Variants in IKZF3 observed in about 807,000 individuals in gnomAD.
The protein encoded by IKZF3 is zinc finger protein Aiolos.
A neutral mutation model predicts 49.0 loss-of-function variants in IKZF3; 10 were observed. The observed-to-expected ratio is 0.20, with a 90% CI of 0.13 to 0.35. IKZF3 has a LOEUF of 0.35. IKZF3 is among the 10% of genes least tolerant of loss of function. The probability of loss-of-function intolerance (pLI) is 1.00; values close to 1 mark genes in which losing one functional copy is unlikely to be tolerated. For synonymous variants in IKZF3, 209 were observed against 228.2 expected (o/e 0.92, Z 0.76); for missense variants, 498 against 664.8 (o/e 0.75, Z 2.76).
chr17:39,829,353 G>A (rs2062042492), intron 3 of IKZF3, 34 bp downstream of exon 3: 1 of 1,414,214 alleles, frequency 7.1e-7, no homozygotes, highest in Non-Finnish European at 1.0e-6. Context: ...AATATCTACA[G>A]GCATCAGTGT....
chr17:39,835,717 C>T lies in IKZF3; in HGVS notation c.8-3566G>A, dbSNP rs1011856556. ...TGGGACTGGAGCTCCCAGATCTCCT[C>T]TTCATACAGCTGCCTGAGGAAGCTG... is the stretch of plus-strand genomic sequence containing the variant. On this transcript the variant is annotated intron_variant, in intron 1 of 7. Transcript: ENST00000346872. 2.6e-5 allele frequency: 13 copies of T among 500,602 alleles called. No homozygotes were observed. In the Admixed American group the frequency reaches 2.8e-4, roughly 11 times the overall value. 31.0% of individuals were successfully genotyped at this position (500,602 alleles called of 1,614,324 possible).
chr17:39,863,846 T>G (rs2063285812), intron 1 of IKZF3, among the ~76,000 whole-genome samples: 1 of 152,162 alleles, frequency 6.6e-6, no homozygotes, highest in African/African-American at 2.4e-5. Context: ...CCTTAAGTGC[T>G]CTTCCTCTGC....
At chr17:39,856,379 C>T (rs1456544191) in intron 1 of IKZF3, among the ~76,000 whole-genome samples, 1 of 152,008 alleles carries the variant, frequency 6.6e-6, no homozygotes, top group Non-Finnish European at 1.5e-5. Flanking sequence ...ACCTCGGCCT[C>T]GCAGGTTCAA....
chr17:39,815,383 A>T (rs112412105), intron 3 of IKZF3, among the ~76,000 whole-genome samples: 1 of 152,228 alleles, frequency 6.6e-6, no homozygotes, highest in Non-Finnish European at 1.5e-5. Context: ...ACATTCCACC[A>T]TCTCGAGTCT....
intron 1 of IKZF3, among the ~76,000 whole-genome samples, chr17:39,859,064 C>A (rs1431221062): frequency 6.6e-6 from 1 of 151,882 alleles, no homozygotes; most frequent in Non-Finnish European, 1.5e-5. Flanking sequence ...CCACCTTGGC[C>A]TCCCAAAGTG....
At chr17:39,801,086 T>C (rs2061304895) in intron 3 of IKZF3, among the ~76,000 whole-genome samples, 1 of 152,112 alleles carries the variant, frequency 6.6e-6, no homozygotes, top group Non-Finnish European at 1.5e-5. Context: ...TTGGAAGTAA[T>C]ATCCTCAGGT....
intron 1 of IKZF3, among the ~76,000 whole-genome samples, chr17:39,863,238 A>C (rs1295938950): frequency 6.6e-6 from 1 of 152,220 alleles, no homozygotes; most frequent in Non-Finnish European, 1.5e-5. Context: ...ATATTTTAAC[A>C]ACTTTATATA....
chr17:39,849,654 G>A (rs1381939306), intron 1 of IKZF3, among the ~76,000 whole-genome samples: 2 of 150,500 alleles, frequency 1.3e-5, no homozygotes, highest in Non-Finnish European at 3.0e-5. Flanking sequence ...TCCGTCTCAG[G>A]AAAAAAAACA....
chr17:39,805,431 T>C lies in IKZF3; in HGVS notation c.164-12498A>G, dbSNP rs2061412729. Among the ~76,000 whole-genome samples, 3 of 152,202 alleles carry C rather than the reference T, an allele frequency of 2.0e-5. No homozygotes were observed. The South Asian group carries it at 6.2e-4, about 31-fold the overall frequency. On this transcript the variant is annotated intron_variant, in intron 3 of 7. Coordinates refer to ENST00000346872, the MANE Select transcript of IKZF3 (RefSeq NM_012481.5). ...ATCAGACCCAAAGCGTATAAAGGAT[T>C]CTTGGATGAGAAGGAAATGAGTATA...
In IKZF3 at chr17:39,832,107, C is replaced by T. The variant is rs1357831209; in HGVS notation, c.52G>A (p.Val18Met). 3.1e-6 allele frequency: 5 copies of T among 1,612,186 alleles called. No homozygotes were observed. In the East Asian group the frequency reaches 8.9e-5, roughly 29 times the overall value. ...AAAGACCTGATGTTACCTGCGGGCA[C>T]AGACTGCTCCTGAGTGCTTTTCAGT... is the stretch of plus-strand genomic sequence containing the variant. ...AELKSTQEQS[V>M]PAESAAVLND... Residue 18 changes from valine (V) to methionine (M), a missense_variant, in exon 2 of 8, where the codon GTG (valine) becomes ATG (methionine). Val to Met is a conservative substitution (Grantham distance 21). Transcript: ENST00000346872.
intron 3 of IKZF3, among the ~76,000 whole-genome samples, chr17:39,826,721 G>A (rs1282676009): frequency 6.6e-6 from 1 of 152,214 alleles, no homozygotes; most frequent in African/African-American, 2.4e-5. Flanking sequence ...AGGTATCACA[G>A]TGTGCGTGTT....
intron 1 of IKZF3, among the ~76,000 whole-genome samples, chr17:39,860,235 C>A (rs1271397249): frequency 1.3e-5 from 2 of 150,104 alleles, no homozygotes; most frequent in Admixed American, 1.3e-4. Flanking sequence ...AGGACTATCT[C>A]TTTAAAAATA....
intron 3 of IKZF3, among the ~76,000 whole-genome samples, chr17:39,812,075 T>C (rs942091734): frequency 1.3e-5 from 2 of 152,250 alleles, no homozygotes; most frequent in Non-Finnish European, 2.9e-5. Context: ...AACTTCACTG[T>C]CATTGCTTTG....
In IKZF3 at chr17:39,849,914, A is replaced by G. The variant is rs150962440; in HGVS notation, c.7+14206T>C. On this transcript the variant is annotated intron_variant, in intron 1 of 7. Transcript: ENST00000346872. The stretch of plus-strand genomic sequence containing the variant: ...ACAAGTATAACTCTCAGACATTGCT[A>G]GTGGGAGGGTAAACTGATCCAACCA... 3.2e-3 allele frequency among the ~76,000 whole-genome samples: 484 copies of G among 151,674 alleles called. 4 individuals carry two copies. The highest frequency in any genetic ancestry group is 0.011 in the African/African-American group (460 of 41,362).
chr17:39,849,755 C>T (rs372466869), intron 1 of IKZF3, among the ~76,000 whole-genome samples: 13 of 152,128 alleles, frequency 8.5e-5, no homozygotes, highest in East Asian at 3.9e-4. Context: ...TAAGAAAAGA[C>T]ACTCAATGTA....
intron 3 of IKZF3, among the ~76,000 whole-genome samples, chr17:39,809,165 A>G (rs1353256148): frequency 1.3e-5 from 2 of 152,206 alleles, no homozygotes; most frequent in East Asian, 3.8e-4. Flanking sequence ...ATAATTAGCA[A>G]ATCTATTAAG....
chr17:39,790,970 G>A (rs2061003576), intron 5 of IKZF3, among the ~76,000 whole-genome samples: 2 of 151,444 alleles, frequency 1.3e-5, no homozygotes, highest in South Asian at 2.1e-4. Flanking sequence ...CCAAAAAGTA[G>A]CCCCCAAACA....
intron 1 of IKZF3, among the ~76,000 whole-genome samples, chr17:39,850,006 T>C (rs1312174033): frequency 6.8e-6 from 1 of 146,964 alleles, no homozygotes; most frequent in African/African-American, 2.5e-5. Context: ...CCAGAAATGG[T>C]ATTCCTGGGG....
At chr17:39,842,783 T>C (rs916079305) in intron 1 of IKZF3, among the ~76,000 whole-genome samples, 4 of 152,176 alleles carry the variant, frequency 2.6e-5, no homozygotes, top group African/African-American at 9.7e-5. Flanking sequence ...TCTCCAAAAA[T>C]ACTTATTAAT....
Sources: gnomAD v4.1 joint callset for allele counts (sites outside exome capture counted in the v4.1 genomes callset) on GRCh38, gnomAD v4.1.1 for gene constraint, MANE v1.5 for transcripts, NCBI Gene and HGNC (gene_info 2026-07-23, HGNC 2026-07-21) for gene names.